Variants in LOC112694756 observed in about 807,000 individuals in gnomAD.
At chr16:30,069,896 AG>A in the LOC112694756 span, 1 of 1,614,138 alleles carries the variant, frequency 6.2e-7, no homozygotes, top group South Asian at 1.1e-5. Context: ...GCCATTAACA[AG>A]TGCCCCCTGC....
chr16:30,067,487 G>A, the LOC112694756 span: 23 of 1,613,320 alleles, frequency 1.4e-5, no homozygotes, highest in East Asian at 5.1e-4. Flanking sequence ...TTGGCACCGA[G>A]AACACCGAGG....
the LOC112694756 span, among the ~76,000 whole-genome samples, chr16:30,060,486 G>A: frequency 2.6e-5 from 4 of 152,016 alleles, no homozygotes; most frequent in Non-Finnish European, 2.9e-5. Flanking sequence ...ACAGTCTTGC[G>A]GAGTCCTTGT....
the LOC112694756 span, chr16:30,066,922 T>C: frequency 1.3e-6 from 2 of 1,550,642 alleles, no homozygotes; most frequent in Non-Finnish European, 1.7e-6. Context: ...GCCAGAAGGG[T>C]CCAGCTTCAA....
At chr16:30,064,769 T>C in the LOC112694756 span, 1 of 302,752 alleles carries the variant, frequency 3.3e-6, no homozygotes, top group Non-Finnish European at 6.0e-6. Flanking sequence ...TGCCGGCTCC[T>C]TCGGCCTCGC....
At chr16:30,055,757 C>T in the LOC112694756 span, among the ~76,000 whole-genome samples, 5 of 152,018 alleles carry the variant, frequency 3.3e-5, no homozygotes, top group African/African-American at 1.2e-4. Flanking sequence ...TCTTTCCTCC[C>T]TCCAGAGCTG....
chr16:30,059,186 A>G, the LOC112694756 span: 1 of 389,324 alleles, frequency 2.6e-6, no homozygotes, highest in Non-Finnish European at 4.5e-6. Context: ...TGCTGAGGGA[A>G]GAAGCTATGA....
At chr16:30,069,032 T>G in the LOC112694756 span, 1 of 1,612,218 alleles carries the variant, frequency 6.2e-7, no homozygotes, top group Non-Finnish European at 8.5e-7. Context: ...GTTCCAGTGT[T>G]GTTAATTTGC....
At chr16:30,068,789 C>G in the LOC112694756 span, 2 of 1,614,222 alleles carry the variant, frequency 1.2e-6, no homozygotes, top group Non-Finnish European at 1.7e-6. Flanking sequence ...CCCTCCCCAC[C>G]GTGCTCTGAC....
At chr16:30,069,021 G>A in the LOC112694756 span, 5 of 1,613,340 alleles carry the variant, frequency 3.1e-6, no homozygotes, top group South Asian at 4.4e-5. Flanking sequence ...TACCTCATTT[G>A]GTTCCAGTGT....
the LOC112694756 span, chr16:30,070,345 TGTC>T: frequency 2.5e-6 from 2 of 804,684 alleles, no homozygotes; most frequent in Non-Finnish European, 4.2e-6. Context: ...TGGTGTGTGG[TGTC>T]GTCTGTGAAT....
At chr16:30,067,369 G>A in the LOC112694756 span, 16 of 1,614,060 alleles carry the variant, frequency 9.9e-6, no homozygotes, top group Non-Finnish European at 1.4e-5. Context: ...GTCCACTGGT[G>A]CGGGCAGGAG....
At chr16:30,054,904 C>T in the LOC112694756 span, 10 of 399,018 alleles carry the variant, frequency 2.5e-5, no homozygotes, top group East Asian at 7.1e-5. Flanking sequence ...GGGTCTAGTC[C>T]TGCTGACTAG....
the LOC112694756 span, among the ~76,000 whole-genome samples, chr16:30,058,522 G>A: frequency 5.6e-5 from 8 of 142,114 alleles, no homozygotes; most frequent in Non-Finnish European, 1.1e-4. Flanking sequence ...GTCTTGTTCT[G>A]TCACCCATGC....
At chr16:30,054,662 C>T in the LOC112694756 span, 6 of 397,474 alleles carry the variant, frequency 1.5e-5, no homozygotes, top group Non-Finnish European at 2.7e-5. Flanking sequence ...GTCCTGTTGA[C>T]GCTCTCCCCA....
the LOC112694756 span, among the ~76,000 whole-genome samples, chr16:30,061,108 G>C: frequency 4.3e-4 from 65 of 152,388 alleles, no homozygotes; most frequent in African/African-American, 1.4e-3. Context: ...GGCCACTTCA[G>C]CCATTTGGCC....
At chr16:30,055,290 A>G in the LOC112694756 span, 1 of 399,124 alleles carries the variant, frequency 2.5e-6, no homozygotes, top group Non-Finnish European at 4.4e-6. Context: ...AGCCCGGCCC[A>G]CTTCCTGGAT....
the LOC112694756 span, chr16:30,054,508 A>G: frequency 1.8e-5 from 5 of 284,808 alleles, no homozygotes; most frequent in Admixed American, 2.1e-4. Context: ...AGGGAGTCAG[A>G]GACAAGAGAT....
At chr16:30,059,305 G>A in the LOC112694756 span, among the ~76,000 whole-genome samples, 4 of 151,754 alleles carry the variant, frequency 2.6e-5, no homozygotes, top group Non-Finnish European at 5.9e-5. Context: ...AGACCATCCT[G>A]GCTAACACGG....
At chr16:30,066,862 C>A in the LOC112694756 span, 2 of 1,544,712 alleles carry the variant, frequency 1.3e-6, no homozygotes, top group East Asian at 2.5e-5. Context: ...TTCTAAAATA[C>A]TCCGGTTCGG....
Sources: allele counts gnomAD v4.1 joint callset (sites outside exome capture counted in the v4.1 genomes callset), GRCh38; gene constraint gnomAD v4.1.1; transcripts MANE v1.5.